The following UBTD2 variants were observed in gnomAD, a reference collection of about 807,000 sequenced individuals.
UBTD2 encodes the protein ubiquitin domain-containing protein 2.
A neutral mutation model predicts 19.8 loss-of-function variants in UBTD2; 9 were observed. That is an observed-to-expected ratio of 0.46 (90% CI 0.27 to 0.79). UBTD2 has a LOEUF of 0.79. Among genes scored for constraint, UBTD2 ranks in the 30% least tolerant of loss-of-function variants. The pLI, the probability that UBTD2 is intolerant of heterozygous loss-of-function variation, is 0.14. For synonymous variants in UBTD2, 98 were observed against 103.9 expected, an observed-to-expected ratio of 0.94 and a Z score of 0.35; for missense variants, 250 against 300.4, an observed-to-expected ratio of 0.83 and a Z score of 1.24.
intron 2 of UBTD2, among the ~76,000 whole-genome samples, chr5:172,214,023 G>A (rs192424494): frequency 6.6e-6 from 1 of 152,340 alleles, no homozygotes; most frequent in Non-Finnish European, 1.5e-5. Flanking sequence ...TGACCTAGGT[G>A]ATCTGCTCGC....
chr5:172,256,420 T>C (rs1042741388), intron 1 of UBTD2, among the ~76,000 whole-genome samples: 14 of 152,064 alleles, frequency 9.2e-5, no homozygotes, highest in African/African-American at 3.1e-4. Context: ...CTTGCTCTAT[T>C]GCCTAAGCTG....
chr5:172,246,552 C>A (rs1224553004), intron 1 of UBTD2, among the ~76,000 whole-genome samples: 1 of 147,162 alleles, frequency 6.8e-6, no homozygotes, highest in Non-Finnish European at 1.5e-5. Context: ...CCAAGCAGTT[C>A]TCCTGCCTCA....
At chr5:172,276,707 G>A (rs1755610732) in intron 1 of UBTD2, among the ~76,000 whole-genome samples, 1 of 151,960 alleles carries the variant, frequency 6.6e-6, no homozygotes, top group African/African-American at 2.4e-5. Flanking sequence ...ACAAAGAAAG[G>A]GAGGGAGGGA....
intron 1 of UBTD2, among the ~76,000 whole-genome samples, chr5:172,270,361 T>TTC (rs1755461074): frequency 7.0e-6 from 1 of 143,712 alleles, no homozygotes; most frequent in African/African-American, 2.6e-5. Flanking sequence ...TTTTTTTTTT[T>TTC]TTTTTTTTTT....
At chr5:172,250,794 A>G (rs948152635) in intron 1 of UBTD2, among the ~76,000 whole-genome samples, 1 of 151,940 alleles carries the variant, frequency 6.6e-6, no homozygotes. Context: ...TTAGCCAGGC[A>G]TGGTGGCATG....
At chr5:172,263,454 A>G (rs544355909) in intron 1 of UBTD2, among the ~76,000 whole-genome samples, 2 of 152,308 alleles carry the variant, frequency 1.3e-5, no homozygotes, top group South Asian at 4.1e-4. Flanking sequence ...AGGCATAAAC[A>G]TATGTTATAA....
chr5:172,259,140 G>A (rs1163063178), intron 1 of UBTD2, among the ~76,000 whole-genome samples: 4 of 151,904 alleles, frequency 2.6e-5, no homozygotes, highest in African/African-American at 9.7e-5. Flanking sequence ...CTTTGTTGAG[G>A]GTTTTTGTTT....
chr5:172,264,782 G>A (rs1222318160), intron 1 of UBTD2, among the ~76,000 whole-genome samples: 2 of 150,768 alleles, frequency 1.3e-5, no homozygotes, highest in African/African-American at 4.9e-5. Flanking sequence ...AGGCTGAGGT[G>A]AGAAGATGGC....
At chr5:172,272,197 A>C (rs1294335217) in intron 1 of UBTD2, among the ~76,000 whole-genome samples, 1 of 152,242 alleles carries the variant, frequency 6.6e-6, no homozygotes, top group Non-Finnish European at 1.5e-5. Context: ...TCAGCTCAAT[A>C]TACGGATATA....
intron 2 of UBTD2, among the ~76,000 whole-genome samples, chr5:172,221,761 A>G (rs1320154274): frequency 3.3e-5 from 5 of 152,194 alleles, no homozygotes; most frequent in Admixed American, 6.5e-5. Flanking sequence ...ACTCTGTATG[A>G]TACTATTAAT....
chr5:172,279,444 T>G (rs979303559), intron 1 of UBTD2, among the ~76,000 whole-genome samples: 1 of 152,218 alleles, frequency 6.6e-6, no homozygotes, highest in East Asian at 1.9e-4. Context: ...TAAATGGGTA[T>G]CTGAAAGAAC....
intron 2 of UBTD2, among the ~76,000 whole-genome samples, chr5:172,233,470 T>C (rs1304156973): frequency 6.6e-6 from 1 of 152,160 alleles, no homozygotes; most frequent in Non-Finnish European, 1.5e-5. Flanking sequence ...CAAGAGTATG[T>C]ACATGGACCA....
intron 1 of UBTD2, among the ~76,000 whole-genome samples, chr5:172,247,486 T>G (rs1481071060): frequency 6.6e-6 from 1 of 152,096 alleles, no homozygotes; most frequent in Non-Finnish European, 1.5e-5. Context: ...CACTCCAACC[T>G]GAGCAACACT....
intron 1 of UBTD2, chr5:172,252,212 C>A (rs1044070125): frequency 2.6e-5 from 4 of 152,178 alleles, no homozygotes; most frequent in African/African-American, 9.7e-5. Flanking sequence ...TGGATTTTCA[C>A]CTACCCTCCC....
At chr5:172,232,293 C>A in intron 2 of UBTD2, among the ~76,000 whole-genome samples, 1 of 135,940 alleles carries the variant, frequency 7.4e-6, no homozygotes, top group Non-Finnish European at 1.5e-5. Flanking sequence ...AATAAGTTAC[C>A]AAAAGAAAAA....
chr5:172,231,739 T>C (rs368149619), intron 2 of UBTD2, among the ~76,000 whole-genome samples: 7 of 152,144 alleles, frequency 4.6e-5, no homozygotes, highest in African/African-American at 1.7e-4. Flanking sequence ...CACATACAGG[T>C]CTATAAAACA....
chr5:172,240,564 C>A (rs12521646), intron 1 of UBTD2, among the ~76,000 whole-genome samples: 42,803 of 151,912 alleles, frequency 0.28, 6,305 homozygotes, highest in South Asian at 0.42. Flanking sequence ...TACCAATGAT[C>A]TGAGCATACA....
At chr5:172,274,863 C>T (rs1561868248) in intron 1 of UBTD2, among the ~76,000 whole-genome samples, 1 of 151,990 alleles carries the variant, frequency 6.6e-6, no homozygotes, top group South Asian at 2.1e-4. Flanking sequence ...GGTGAAACCC[C>T]AACTCTACTA....
intron 1 of UBTD2, among the ~76,000 whole-genome samples, chr5:172,275,761 C>CACTACATG (rs1755594690): frequency 6.6e-6 from 1 of 152,200 alleles, no homozygotes; most frequent in Admixed American, 6.5e-5. Context: ...TACATGGTGA[C>CACTACATG]TCCACTTAGA....
Sources: gnomAD v4.1 joint callset for allele counts (sites outside exome capture counted in the v4.1 genomes callset) on GRCh38, gnomAD v4.1.1 for gene constraint, MANE v1.5 for transcripts, NCBI Gene and HGNC (gene_info 2026-07-23, HGNC 2026-07-21) for gene names.